MEOX2: variants seen among roughly 807,000 people sequenced by gnomAD.
MEOX2 encodes homeobox protein MOX-2.
A neutral mutation model predicts 27.0 loss-of-function variants in MEOX2; 11 were observed. That is an observed-to-expected ratio of 0.41 (90% CI 0.26 to 0.68). The LOEUF (loss-of-function observed/expected upper bound fraction) is 0.68, where lower values mean the gene tolerates loss of function less well. MEOX2 is among the 30% of genes least tolerant of loss of function. MEOX2 has a pLI of 0.33. For missense variants in MEOX2, 436 were observed against 385.4 expected, an observed-to-expected ratio of 1.13 and a Z score of -1.10; for synonymous variants, 189 against 155.4, an observed-to-expected ratio of 1.22 and a Z score of -1.61.
At chr7:15,671,015 T>G (rs919739379) in intron 1 of MEOX2, among the ~76,000 whole-genome samples, 14 of 152,194 alleles carry the variant, frequency 9.2e-5, no homozygotes, top group Non-Finnish European at 1.3e-4. Flanking sequence ...AGTAGTGGGT[T>G]GGCACAAATA....
chr7:15,618,950 ATC>A (rs1266801216), intron 2 of MEOX2, among the ~76,000 whole-genome samples: 1 of 152,018 alleles, frequency 6.6e-6, no homozygotes, highest in East Asian at 1.9e-4. Context: ...TGACAAAGGG[ATC>A]TGAAGTTCAA....
chr7:15,643,135 T>A (rs1252069191), intron 1 of MEOX2, among the ~76,000 whole-genome samples: 1 of 152,146 alleles, frequency 6.6e-6, no homozygotes. Context: ...TGCCAGAAGT[T>A]GTGATGGGAC....
rs1304978150 is a variant in MEOX2, at chr7:15,611,303, T to G, written c.*1084A>C. The G allele has an allele frequency of 6.6e-6, 1 of 152,202 alleles. No individual in the cohort carries two copies. Among genetic ancestry groups the G allele is most frequent in the Non-Finnish European group, 1.5e-5 (1 of 68,024 alleles). 9.4% of individuals were successfully genotyped at this position (152,202 alleles called of 1,614,324 possible). A position where few individuals can be genotyped will look rare whatever the true frequency, so the allele number is the denominator to read the frequency against. The stretch of plus-strand genomic sequence containing the variant: ...GAATACATCACATATGAAAAAATAA[T>G]GTGTTTTTACCGAATTTAATTTGAA... On this transcript the variant is annotated 3_prime_UTR_variant, in exon 3 of 3. Transcript: ENST00000262041.
At chr7:15,660,017 C>G (rs1310095648) in intron 1 of MEOX2, among the ~76,000 whole-genome samples, 3 of 152,040 alleles carry the variant, frequency 2.0e-5, no homozygotes, top group Admixed American at 6.5e-5. Context: ...AAAATAAAAG[C>G]ATGTGCAATG....
In MEOX2 at chr7:15,611,713, C is replaced by A. The variant is rs1311519100; in HGVS notation, c.*674G>T. The A allele has an allele frequency of 6.5e-6, 1 of 153,128 alleles. No homozygotes were observed. The highest frequency in any genetic ancestry group is 1.5e-5 in the Non-Finnish European group (1 of 68,470). The allele number at this position is 153,128 out of a possible 1,614,324, so 9.5% of individuals were successfully genotyped here. ...ACAGGTAAGCACATACTGATTGTCT[C>A]TGGGATGACAAAATGTATAAAAAAG... On this transcript the variant is annotated 3_prime_UTR_variant, in exon 3 of 3. Coordinates refer to ENST00000262041, the MANE Select transcript of MEOX2 (RefSeq NM_005924.5).
chr7:15,674,518 C>T (rs1293977823), intron 1 of MEOX2, among the ~76,000 whole-genome samples: 1 of 150,888 alleles, frequency 6.6e-6, no homozygotes, highest in Admixed American at 6.6e-5. Flanking sequence ...AATGTGAAAG[C>T]ATTTGGCAGT....
At chr7:15,627,596 CACA>C (rs1781333772) in intron 1 of MEOX2, among the ~76,000 whole-genome samples, 1 of 151,870 alleles carries the variant, frequency 6.6e-6, no homozygotes. Context: ...ACATAAGGTG[CACA>C]ACATGTAACA....
At chr7:15,631,933 G>GTGTGTGTGTGTGTGTGTGTGT (rs66500166) in intron 1 of MEOX2, among the ~76,000 whole-genome samples, 1,008 of 32,446 alleles carry the variant, frequency 0.031, 16 homozygotes, top group African/African-American at 0.055. Context: ...TGTGTGTGTG[G>GTGTGTGTGTGTGTGTGTGTGT]AGAGAAAGAG....
chr7:15,628,018 T>C (rs1369598085), intron 1 of MEOX2, among the ~76,000 whole-genome samples: 1 of 152,090 alleles, frequency 6.6e-6, no homozygotes, highest in Non-Finnish European at 1.5e-5. Context: ...TTAACTCTTC[T>C]AGGAACCCAA....
intron 1 of MEOX2, chr7:15,681,200 T>G (rs550522449): frequency 6.6e-6 from 1 of 151,958 alleles, no homozygotes; most frequent in East Asian, 1.9e-4. Flanking sequence ...GAAAAGAGAT[T>G]TGCTCTGAAA....
At chr7:15,642,198 A>G (rs1227612098) in intron 1 of MEOX2, among the ~76,000 whole-genome samples, 2 of 152,058 alleles carry the variant, frequency 1.3e-5, no homozygotes. Flanking sequence ...ATCCCTTCAA[A>G]CATGTTTTCC....
intron 2 of MEOX2, among the ~76,000 whole-genome samples, chr7:15,614,755 G>A (rs6949297): frequency 0.67 from 102,581 of 151,978 alleles, 34,848 homozygotes; most frequent in East Asian, 0.81. Context: ...ATTCTTCTAC[G>A]TTAGAAATAT....
intron 1 of MEOX2, among the ~76,000 whole-genome samples, chr7:15,667,303 A>AAAAAAAAAAAAAAAAG (rs1562612186): frequency 6.8e-6 from 1 of 147,920 alleles, no homozygotes; most frequent in Admixed American, 6.8e-5. Flanking sequence ...AAAAAAAAAA[A>AAAAAAAAAAAAAAAAG]AAAAAAAAAG....
At chr7:15,627,141 G>A (rs1781323204) in intron 1 of MEOX2, among the ~76,000 whole-genome samples, 1 of 151,896 alleles carries the variant, frequency 6.6e-6, no homozygotes, top group Non-Finnish European at 1.5e-5. Flanking sequence ...GGGAAAGCAT[G>A]TAATTTTCTT....
At chr7:15,631,010 A>G (rs1282321551) in intron 1 of MEOX2, among the ~76,000 whole-genome samples, 1 of 151,894 alleles carries the variant, frequency 6.6e-6, no homozygotes, top group Non-Finnish European at 1.5e-5. Context: ...TGATTCATGA[A>G]TGTGTCGATT....
At chr7:15,645,214 T>C (rs913470889) in intron 1 of MEOX2, among the ~76,000 whole-genome samples, 9 of 152,200 alleles carry the variant, frequency 5.9e-5, no homozygotes, top group Non-Finnish European at 1.3e-4. Context: ...AATCTGACAA[T>C]CAATTCACCA....
intron 2 of MEOX2, among the ~76,000 whole-genome samples, chr7:15,619,710 C>A (rs923382781): frequency 2.0e-5 from 3 of 151,898 alleles, no homozygotes; most frequent in Non-Finnish European, 2.9e-5. Context: ...GTCTACCTAT[C>A]TACATCAAAA....
At chr7:15,639,496 T>C (rs1366591237) in intron 1 of MEOX2, among the ~76,000 whole-genome samples, 1 of 152,086 alleles carries the variant, frequency 6.6e-6, no homozygotes, top group East Asian at 1.9e-4. Context: ...GTCCCATTTG[T>C]CTGCTTTTGT....
chr7:15,630,198 C>A (rs1016197788), intron 1 of MEOX2, among the ~76,000 whole-genome samples: 7 of 152,042 alleles, frequency 4.6e-5, no homozygotes, highest in Admixed American at 3.3e-4. Context: ...GGTTGGCAGT[C>A]CCAGTTCCCT....
Sources: allele counts gnomAD v4.1 joint callset (sites outside exome capture counted in the v4.1 genomes callset), GRCh38; gene constraint gnomAD v4.1.1; transcripts MANE v1.5; gene names NCBI Gene and HGNC (gene_info 2026-07-23, HGNC 2026-07-21).